The following RASAL2 variants were observed in gnomAD, a reference collection of about 807,000 sequenced individuals.
RASAL2 encodes the protein ras GTPase-activating protein nGAP.
A neutral mutation model predicts 128.9 loss-of-function variants in RASAL2; 58 were observed. The ratio of observed to expected loss-of-function variants is 0.45; its 90% CI spans 0.36 to 0.56. The LOEUF (loss-of-function observed/expected upper bound fraction) is 0.56. Ranked by LOEUF, RASAL2 falls within the 20% of genes least tolerant of loss-of-function variation. RASAL2 has a pLI of 0.00. For missense variants in RASAL2, 1,360 were observed against 1,601.6 expected, an observed-to-expected ratio of 0.85 and a Z score of 2.57; for synonymous variants, 561 against 580.8, an observed-to-expected ratio of 0.97 and a Z score of 0.49.
intron 1 of RASAL2, among the ~76,000 whole-genome samples, chr1:178,281,936 T>A (rs1666801553): frequency 1.3e-5 from 2 of 152,122 alleles, no homozygotes; most frequent in South Asian, 4.1e-4. Flanking sequence ...TAGAGCTTTT[T>A]TGTGATAATT....
At chr1:178,435,916 G>A (rs1292434880) in intron 5 of RASAL2, among the ~76,000 whole-genome samples, 1 of 151,984 alleles carries the variant, frequency 6.6e-6, no homozygotes, top group Non-Finnish European at 1.5e-5. Context: ...TTGTCAGATT[G>A]GACTGGGAAT....
At chr1:178,377,850 C>T (rs1031205168) in intron 3 of RASAL2, among the ~76,000 whole-genome samples, 3 of 151,678 alleles carry the variant, frequency 2.0e-5, no homozygotes, top group African/African-American at 2.4e-5. Context: ...GGATAGAAAT[C>T]GTGATTAACT....
chr1:178,300,123 G>A lies in RASAL2; in HGVS notation c.457+5G>A, dbSNP rs1667701216. 1.2e-6 allele frequency: 2 copies of A among 1,604,152 alleles called. No individual in the cohort carries two copies. The highest frequency in any genetic ancestry group is 1.7e-6 in the Non-Finnish European group (2 of 1,177,016). On this transcript the variant is annotated splice_donor_5th_base_variant and intron_variant, in intron 3 of 17. Coordinates refer to ENST00000367649, the MANE Select transcript of RASAL2 (RefSeq NM_170692.4). ...CAGAGGGCGCCACTAAACTGGGTAAGCTACTATGAAAAGGAAATAAATTCC... is the reference window on the plus strand; with the variant it reads ...CAGAGGGCGCCACTAAACTGGGTAAACTACTATGAAAAGGAAATAAATTCC...
intron 1 of RASAL2, among the ~76,000 whole-genome samples, chr1:178,132,662 T>A (rs1660163455): frequency 6.6e-6 from 1 of 152,178 alleles, no homozygotes; most frequent in South Asian, 2.1e-4. Flanking sequence ...AGGTAGAATT[T>A]GAATAGCAAG....
At chr1:178,466,420 G>A (rs1572131343) in intron 16 of RASAL2, among the ~76,000 whole-genome samples, 4 of 152,274 alleles carry the variant, frequency 2.6e-5, no homozygotes, top group Admixed American at 2.6e-4. Context: ...CAATGCCCAA[G>A]ACTAAATTAA....
At chr1:178,335,759 T>C (rs1244252658) in intron 3 of RASAL2, among the ~76,000 whole-genome samples, 1 of 152,190 alleles carries the variant, frequency 6.6e-6, no homozygotes, top group Non-Finnish European at 1.5e-5. Context: ...GAAAATTCAG[T>C]ACATCGTTCC....
intron 1 of RASAL2, among the ~76,000 whole-genome samples, chr1:178,254,547 G>T (rs909585956): frequency 6.6e-6 from 1 of 152,094 alleles, no homozygotes; most frequent in East Asian, 1.9e-4. Flanking sequence ...AGAAAACTTA[G>T]AAAAATATGC....
chr1:178,321,794 G>T (rs1166468855), intron 3 of RASAL2, among the ~76,000 whole-genome samples: 1 of 151,768 alleles, frequency 6.6e-6, no homozygotes, highest in African/African-American at 2.4e-5. Flanking sequence ...TTTGAGACCA[G>T]CCTGACCAAC....
chr1:178,249,431 G>A (rs555139852), intron 1 of RASAL2, among the ~76,000 whole-genome samples: 2 of 152,008 alleles, frequency 1.3e-5, no homozygotes, highest in South Asian at 4.2e-4. Context: ...ATTCTAGTTA[G>A]CAGTTCCTGT....
At chr1:178,224,555 T>C (rs1036587202) in intron 1 of RASAL2, among the ~76,000 whole-genome samples, 1 of 152,172 alleles carries the variant, frequency 6.6e-6, no homozygotes, top group Admixed American at 6.5e-5. Context: ...CTTTGTACTT[T>C]TGAAAGATGT....
intron 4 of RASAL2, among the ~76,000 whole-genome samples, chr1:178,392,449 G>T (rs559175360): frequency 6.6e-6 from 1 of 152,260 alleles, no homozygotes; most frequent in African/African-American, 2.4e-5. Context: ...AGGTGAGAAG[G>T]CCGGAAAGGT....
chr1:178,313,534 G>A (rs890304106), intron 3 of RASAL2, among the ~76,000 whole-genome samples: 26 of 151,282 alleles, frequency 1.7e-4, no homozygotes, highest in African/African-American at 5.8e-4. Flanking sequence ...TCTGTCACCC[G>A]GGCTGGAGTG....
At chr1:178,330,333 C>G (rs1669234894) in intron 3 of RASAL2, among the ~76,000 whole-genome samples, 1 of 152,148 alleles carries the variant, frequency 6.6e-6, no homozygotes, top group Admixed American at 6.5e-5. Flanking sequence ...TACTGTCCTG[C>G]ATACCTGAGA....
At chr1:178,122,257 C>T (rs1659744174) in intron 1 of RASAL2, among the ~76,000 whole-genome samples, 1 of 152,024 alleles carries the variant, frequency 6.6e-6, no homozygotes, top group East Asian at 1.9e-4. Context: ...GCTTTATCAC[C>T]GATCTGTTTT....
At chr1:178,123,382 C>T (rs1218903503) in intron 1 of RASAL2, among the ~76,000 whole-genome samples, 1 of 152,142 alleles carries the variant, frequency 6.6e-6, no homozygotes, top group Non-Finnish European at 1.5e-5. Context: ...GCATTCATTT[C>T]ATTTATTAGT....
At chr1:178,142,219 T>C (rs1258020780) in intron 1 of RASAL2, among the ~76,000 whole-genome samples, 2 of 152,092 alleles carry the variant, frequency 1.3e-5, no homozygotes, top group East Asian at 3.9e-4. Context: ...GAGTGCGATG[T>C]ATCCAAGACT....
intron 1 of RASAL2, among the ~76,000 whole-genome samples, chr1:178,208,411 A>T (rs1159960865): frequency 6.6e-6 from 1 of 152,156 alleles, no homozygotes; most frequent in African/African-American, 2.4e-5. Context: ...TGTCTTATGC[A>T]GTTGAGATAA....
chr1:178,094,243 C>G lies in RASAL2; in HGVS notation c.-250C>G. On this transcript the variant is annotated 5_prime_UTR_variant, in exon 1 of 18. Coordinates refer to ENST00000367649, the MANE Select transcript of RASAL2 (RefSeq NM_170692.4). ...CACACACACCTGAGCCCGGACCCAC[C>G]CTTGGTCGGGGCCACGCTGGATCCT... 1 of 520,064 alleles carries G rather than the reference C, an allele frequency of 1.9e-6. No individual in the cohort carries two copies. The highest frequency in any genetic ancestry group is 3.4e-6 in the Non-Finnish European group (1 of 298,422). 32.2% of individuals were successfully genotyped at this position (520,064 alleles called of 1,614,324 possible).
intron 1 of RASAL2, among the ~76,000 whole-genome samples, chr1:178,225,387 A>C (rs1484524156): frequency 6.6e-6 from 1 of 152,000 alleles, no homozygotes; most frequent in East Asian, 1.9e-4. Context: ...ATATGATTCT[A>C]CCGTGTACAT....
Sources: gnomAD v4.1 joint callset for allele counts (sites outside exome capture counted in the v4.1 genomes callset) on GRCh38, gnomAD v4.1.1 for gene constraint, MANE v1.5 for transcripts, NCBI Gene and HGNC (gene_info 2026-07-23, HGNC 2026-07-21) for gene names.